MACROD2: variants seen among roughly 807,000 people sequenced by gnomAD.
MACROD2 encodes ADP-ribose glycohydrolase MACROD2.
MACROD2 carries 36 observed loss-of-function variants against 70.4 expected under a neutral mutation model. That is an observed-to-expected ratio of 0.51 (90% CI 0.39 to 0.68). MACROD2 has a LOEUF of 0.68. Ranked by LOEUF, MACROD2 falls within the 30% of genes least tolerant of loss-of-function variation. The probability of loss-of-function intolerance (pLI) is 0.00; values close to 1 mark genes in which losing one functional copy is unlikely to be tolerated. For missense variants in MACROD2, 496 were observed against 538.4 expected, an observed-to-expected ratio of 0.92 and a Z score of 0.78; for synonymous variants, 172 against 178.8, an observed-to-expected ratio of 0.96 and a Z score of 0.30.
chr20:15,743,111 A>C (rs1226089086), intron 8 of MACROD2, among the ~76,000 whole-genome samples: 1 of 152,204 alleles, frequency 6.6e-6, no homozygotes, highest in South Asian at 2.1e-4. Context: ...AGTAATGACA[A>C]AGAAGAACCT....
rs368528702 is a variant in MACROD2 at position 15,993,149 on chromosome 20, A to G, written c.1153+5991A>G. ...TGGCTGTCATACAACTATAAAATCAATACAAGTAAAATATTTTATTTAAAT... is the reference window on the plus strand; with the variant it reads ...TGGCTGTCATACAACTATAAAATCAGTACAAGTAAAATATTTTATTTAAAT... On this transcript the variant is annotated intron_variant, in intron 15 of 17. Coordinates refer to ENST00000684519, the MANE Select transcript of MACROD2 (RefSeq NM_001351661.2). Among the ~76,000 whole-genome samples, 11 of 152,274 alleles carry G rather than the reference A, an allele frequency of 7.2e-5. No homozygotes were observed. In the East Asian group the frequency reaches 1.9e-3, roughly 27 times the overall value.
intron 7 of MACROD2, among the ~76,000 whole-genome samples, chr20:15,490,203 C>CCCTT (rs1219281136): frequency 7.1e-6 from 1 of 141,532 alleles, no homozygotes; most frequent in Admixed American, 7.4e-5. Flanking sequence ...TCCTCCCTCC[C>CCCTT]CCTTCCTTCC....
chr20:14,877,633 C>T (rs1045170033), intron 5 of MACROD2, among the ~76,000 whole-genome samples: 1 of 151,830 alleles, frequency 6.6e-6, no homozygotes, highest in East Asian at 1.9e-4. Context: ...TCCTTCAATG[C>T]CTAGTTTCTT....
At chr20:14,583,847 G>A (rs541273373) in intron 4 of MACROD2, among the ~76,000 whole-genome samples, 8 of 152,260 alleles carry the variant, frequency 5.3e-5, no homozygotes, top group Non-Finnish European at 1.0e-4. Context: ...GAGACAGAGT[G>A]AACAGACCTG....
chr20:14,474,098 A>AT (rs1381605004), intron 3 of MACROD2, among the ~76,000 whole-genome samples: 2 of 151,470 alleles, frequency 1.3e-5, no homozygotes, highest in African/African-American at 4.8e-5. Context: ...GCTGGCAAAT[A>AT]TTTTTTTTCC....
chr20:16,035,157 TA>T (rs1568726102), intron 15 of MACROD2, among the ~76,000 whole-genome samples: 70 of 84,818 alleles, frequency 8.3e-4, no homozygotes, highest in African/African-American at 2.3e-3. Context: ...ATATAAAATA[TA>T]ATATAAAATA....
At chr20:15,057,045 T>G (rs1225485211) in intron 5 of MACROD2, among the ~76,000 whole-genome samples, 1 of 152,206 alleles carries the variant, frequency 6.6e-6, no homozygotes, top group Non-Finnish European at 1.5e-5. Context: ...TAAATGGAAT[T>G]GAGGATGGGA....
At chr20:16,020,565 G>A (rs541053649) in intron 15 of MACROD2, among the ~76,000 whole-genome samples, 5 of 150,614 alleles carry the variant, frequency 3.3e-5, no homozygotes, top group Non-Finnish European at 7.4e-5. Flanking sequence ...GATGCTCAGC[G>A]AATGTCTGCT....
At chr20:14,285,115 A>G (rs2082333841) in intron 3 of MACROD2, among the ~76,000 whole-genome samples, 1 of 152,184 alleles carries the variant, frequency 6.6e-6, no homozygotes, top group African/African-American at 2.4e-5. Context: ...GAAAGAAAAA[A>G]ATACAGGTTT....
intron 5 of MACROD2, among the ~76,000 whole-genome samples, chr20:15,214,020 C>T (rs1275616175): frequency 6.6e-6 from 1 of 152,070 alleles, no homozygotes; most frequent in Non-Finnish European, 1.5e-5. Flanking sequence ...TCCGGGATTA[C>T]AGGTGTGAGC....
chr20:15,999,747 T>C (rs1220690569), intron 15 of MACROD2, among the ~76,000 whole-genome samples: 1 of 152,220 alleles, frequency 6.6e-6, no homozygotes, highest in Non-Finnish European at 1.5e-5. Context: ...TTGTGACTAT[T>C]TTTTAGTTAA....
At chr20:15,980,057 A>G (rs1422504475) in intron 13 of MACROD2, among the ~76,000 whole-genome samples, 1 of 152,244 alleles carries the variant, frequency 6.6e-6, no homozygotes, top group Non-Finnish European at 1.5e-5. Flanking sequence ...GATTTGAGCA[A>G]GCAGGGGGTA....
chr20:14,982,799 T>C (rs1011506536), intron 5 of MACROD2, among the ~76,000 whole-genome samples: 2 of 152,174 alleles, frequency 1.3e-5, no homozygotes, highest in Admixed American at 1.3e-4. Context: ...CCTAGGGCAG[T>C]GCATTGGGCA....
At chr20:14,133,186 C>T (rs948633178) in intron 3 of MACROD2, among the ~76,000 whole-genome samples, 3 of 152,158 alleles carry the variant, frequency 2.0e-5, no homozygotes, top group Admixed American at 6.5e-5. Flanking sequence ...AATGTCTGGG[C>T]ACCTTTTGGC....
At chr20:14,773,146 G>A (rs1600649514) in intron 5 of MACROD2, among the ~76,000 whole-genome samples, 1 of 151,936 alleles carries the variant, frequency 6.6e-6, no homozygotes, top group East Asian at 1.9e-4. Context: ...ATGCTGCAGG[G>A]CCAATTCTAG....
At position 14,837,856 on chromosome 20, in the gene MACROD2, C is replaced by A. The variant is rs531676252; in HGVS notation, c.418+152897C>A. Among the ~76,000 whole-genome samples the A allele has an allele frequency of 8.6e-5, 13 of 151,724 alleles. No individual in the cohort carries two copies. In the South Asian group the frequency reaches 2.7e-3, roughly 32 times the overall value. On this transcript the variant is annotated intron_variant, in intron 5 of 17. Transcript: ENST00000684519. ...CTATCTGGATACATGCAAGGCTCCACAGGGTGGGGTTAGATTTTTTTTTTT... is the reference window on the plus strand; with the variant it reads ...CTATCTGGATACATGCAAGGCTCCAAAGGGTGGGGTTAGATTTTTTTTTTT...
intron 5 of MACROD2, among the ~76,000 whole-genome samples, chr20:15,131,663 G>T (rs1462805544): frequency 6.6e-6 from 1 of 151,978 alleles, no homozygotes; most frequent in Non-Finnish European, 1.5e-5. Context: ...AGATTGAATT[G>T]CTCAACTCTC....
intron 8 of MACROD2, among the ~76,000 whole-genome samples, chr20:15,572,070 T>C: frequency 6.6e-6 from 1 of 152,148 alleles, no homozygotes; most frequent in East Asian, 1.9e-4. Flanking sequence ...GAACCCATCA[T>C]GTATGTTGGT....
intron 3 of MACROD2, among the ~76,000 whole-genome samples, chr20:14,228,522 A>G (rs1402959914): frequency 6.6e-6 from 1 of 151,966 alleles, no homozygotes; most frequent in Non-Finnish European, 1.5e-5. Flanking sequence ...ATTTTAGTAT[A>G]GTCTTAACTG....
Sources: gnomAD v4.1 joint callset for allele counts (sites outside exome capture counted in the v4.1 genomes callset) on GRCh38, gnomAD v4.1.1 for gene constraint, MANE v1.5 for transcripts, NCBI Gene and HGNC (gene_info 2026-07-23, HGNC 2026-07-21) for gene names.